Variants in UPF2 observed in about 807,000 individuals in gnomAD.
UPF2 encodes the protein UPF2 regulator of nonsense mediated mRNA decay.
UPF2 carries 17 observed loss-of-function variants against 141.4 expected under a neutral mutation model. That is an observed-to-expected ratio of 0.12 (90% CI 0.08 to 0.18). The LOEUF (loss-of-function observed/expected upper bound fraction) is 0.18, where lower values mean the gene tolerates loss of function less well. UPF2 is among the 10% of genes least tolerant of loss of function. The pLI is 1.00. For missense variants in UPF2, 1,152 were observed against 1,515.9 expected (o/e 0.76, Z 3.99); for synonymous variants, 540 against 498.0 (o/e 1.08, Z -1.12).
intron 15 of UPF2, among the ~76,000 whole-genome samples, chr10:11,949,626 C>T (rs1833048631): frequency 6.6e-6 from 1 of 152,138 alleles, no homozygotes; most frequent in Non-Finnish European, 1.5e-5. Context: ...TTAATAAATA[C>T]ACAGTAGGTG....
intron 19 of UPF2, among the ~76,000 whole-genome samples, chr10:11,932,075 G>A (rs1455960705): frequency 6.6e-6 from 1 of 151,930 alleles, no homozygotes; most frequent in Non-Finnish European, 1.5e-5. Flanking sequence ...CTTGAACCCA[G>A]GAAGCGGAGG....
At chr10:12,024,326 G>A (rs1397514549) in intron 3 of UPF2, among the ~76,000 whole-genome samples, 3 of 151,974 alleles carry the variant, frequency 2.0e-5, no homozygotes, top group Admixed American at 1.3e-4. Context: ...GTTTGGGATG[G>A]GGGGTGGGCA....
rs1832897282 is a variant in UPF2 at position 11,938,868 on chromosome 10, T to TTTTTTTTTTTTTTTTTTTTTTTTG, written c.3379-2157_3379-2156insCAAAAAAAAAAAAAAAAAAAAAAA. On this transcript the variant is annotated intron_variant, in intron 18 of 21. Coordinates refer to ENST00000357604, the MANE Select transcript of UPF2 (RefSeq NM_015542.4). ...TTTTTTTTTTGTTTTTTTTTTTTTT[T>TTTTTTTTTTTTTTTTTTTTTTTTG]TTTTTTTTTTTTTTGGAGACGGAGT... Among the ~76,000 whole-genome samples, 211 of 90,818 alleles carry TTTTTTTTTTTTTTTTTTTTTTTTG rather than the reference T, an allele frequency of 2.3e-3. 6 individuals are homozygous for TTTTTTTTTTTTTTTTTTTTTTTTG. The highest frequency in any genetic ancestry group is 6.3e-3 in the Middle Eastern group (1 of 158). 59.6% of individuals were successfully genotyped at this position (90,818 alleles called of 152,430 possible). A position where few individuals can be genotyped will look rare whatever the true frequency, so the allele number is the denominator to read the frequency against.
chr10:11,951,411 C>A (rs1833073046), intron 15 of UPF2, among the ~76,000 whole-genome samples: 1 of 152,178 alleles, frequency 6.6e-6, no homozygotes, highest in Non-Finnish European at 1.5e-5. Flanking sequence ...TAAGAACTAT[C>A]AGCATATAAA....
chr10:11,999,517 A>AG (rs1158864679), intron 7 of UPF2, among the ~76,000 whole-genome samples: 38 of 150,440 alleles, frequency 2.5e-4, no homozygotes, highest in Non-Finnish European at 4.7e-4. Context: ...CATCTCAAAA[A>AG]AAAAAAAAAA....
chr10:12,008,348 A>G lies in UPF2; in HGVS notation c.1307-3621T>C, dbSNP rs113313667. ...AGAGTGTAAAGAAACAGTCATTCTC[A>G]GGCCAGGCGCAGTGGCTCATACCTG... is the stretch of plus-strand genomic sequence containing the variant. On this transcript the variant is annotated intron_variant, in intron 4 of 21. Transcript: ENST00000357604. 1.7e-3 allele frequency among the ~76,000 whole-genome samples: 255 copies of G among 152,216 alleles called. 1 individual carries two copies. The highest frequency in any genetic ancestry group is 5.7e-3 in the African/African-American group (236 of 41,546).
At chr10:12,024,662 G>C (rs944618510) in intron 3 of UPF2, among the ~76,000 whole-genome samples, 2 of 151,898 alleles carry the variant, frequency 1.3e-5, no homozygotes, top group Non-Finnish European at 2.9e-5. Context: ...ACCGAGCACA[G>C]TGGCTCACAC....
chr10:12,035,297 G>A lies in UPF2; in HGVS notation c.127C>T (p.Leu43Phe). The stretch of plus-strand genomic sequence containing the variant: ...TTGCTGACCTCCTTCTTGGCAGTGA[G>A]CTTGATATCGTCTTTTGGCCTCTCC... The part of the protein sequence containing the change: ...SKERPKDDIK[L>F]TAKKEVSKAP... Residue 43 changes from leucine (L) to phenylalanine (F), a missense_variant, in exon 2 of 22, where the codon CTC becomes TTC. Around this residue, in one of 4 missense-constraint regions of UPF2, gnomAD observed 145 missense variants for 136.5 expected, o/e 1.06. Transcript: ENST00000357604. 6.2e-7 allele frequency: 1 copy of A among 1,613,998 alleles called. No homozygotes were observed. The highest frequency in any genetic ancestry group is 8.5e-7 in the Non-Finnish European group (1 of 1,180,012).
intron 8 of UPF2, among the ~76,000 whole-genome samples, chr10:11,987,545 G>A (rs1035664502): frequency 6.6e-6 from 1 of 151,810 alleles, no homozygotes; most frequent in Non-Finnish European, 1.5e-5. Flanking sequence ...ATCATTTGAG[G>A]TCAGGAGTTC....
At chr10:11,945,045 T>G (rs1190895963) in intron 16 of UPF2, among the ~76,000 whole-genome samples, 1 of 152,180 alleles carries the variant, frequency 6.6e-6, no homozygotes, top group Non-Finnish European at 1.5e-5. Flanking sequence ...GCAGTAACCA[T>G]GAACAATAAA....
At chr10:11,972,953 C>A (rs946123886) in intron 9 of UPF2, among the ~76,000 whole-genome samples, 2 of 152,184 alleles carry the variant, frequency 1.3e-5, no homozygotes, top group African/African-American at 4.8e-5. Context: ...CTTGAGGAAT[C>A]GCCACACTGT....
At chr10:12,024,946 A>AC (rs1238725139) in intron 3 of UPF2, among the ~76,000 whole-genome samples, 2 of 150,260 alleles carry the variant, frequency 1.3e-5, no homozygotes, top group African/African-American at 4.9e-5. Context: ...AAAAAAAAAA[A>AC]AAAAAAAAAA....
In UPF2 at chr10:11,959,954, C is replaced by G. The variant is rs144318231; in HGVS notation, c.2185-598G>C. Among the ~76,000 whole-genome samples the G allele has an allele frequency of 1.1e-4, 17 of 152,320 alleles. No individual in the cohort carries two copies. In the East Asian group the frequency reaches 3.3e-3, roughly 29 times the overall value. Reference sequence around the variant, plus strand: ...ACTTTACTACCAAGGTAACTTCTTTCATAACTTTGTGTCTAGGGTTGCTCA... The same window carrying G: ...ACTTTACTACCAAGGTAACTTCTTTGATAACTTTGTGTCTAGGGTTGCTCA... On this transcript the variant is annotated intron_variant, in intron 11 of 21. Coordinates refer to ENST00000357604, the MANE Select transcript of UPF2 (RefSeq NM_015542.4). This position sits in a 1 kb window ranked among gnomAD's most constrained non-coding sequence, Gnocchi z 5.9.
chr10:11,995,848 ACT>A (rs1833856601), intron 8 of UPF2, among the ~76,000 whole-genome samples: 1 of 151,960 alleles, frequency 6.6e-6, no homozygotes, highest in African/African-American at 2.4e-5. Context: ...CCCTGCACAT[ACT>A]GTTGCCTCTG....
In UPF2 at chr10:11,967,464, AAG is replaced by A; in HGVS notation, c.1954-12_1954-11del. On this transcript the variant is annotated splice_polypyrimidine_tract_variant and intron_variant, in intron 9 of 21. Coordinates refer to ENST00000357604, the MANE Select transcript of UPF2 (RefSeq NM_015542.4). ...GGTCCTTTTTCCGTACCTAAAAATT[AAG>A]AGAGAAAAGATAATGCTTAATCAAC... The A allele has an allele frequency of 1.3e-6, 2 of 1,481,868 alleles. No homozygotes were observed. The highest frequency in any genetic ancestry group is 1.8e-6 in the Non-Finnish European group (2 of 1,087,192). The allele number at this position is 1,481,868 out of a possible 1,614,324, so 91.8% of individuals were successfully genotyped here.
At chr10:12,038,035 C>T (rs977277610) in intron 1 of UPF2, among the ~76,000 whole-genome samples, 3 of 152,048 alleles carry the variant, frequency 2.0e-5, no homozygotes, top group Non-Finnish European at 4.4e-5. Context: ...TGTAGTTAAC[C>T]CCACTGGTAA....
At chr10:11,942,612 G>A in intron 18 of UPF2, 53 bp downstream of exon 18, 1 of 1,529,082 alleles carries the variant, frequency 6.5e-7, no homozygotes, top group South Asian at 1.1e-5. Context: ...GAATGTAATG[G>A]GCTGCAATGT....
chr10:11,966,496 C>T (rs191489650), intron 10 of UPF2, among the ~76,000 whole-genome samples: 713 of 152,180 alleles, frequency 4.7e-3, no homozygotes, highest in East Asian at 0.011. Context: ...GTGATCTTGG[C>T]GCACCACAAC....
intron 10 of UPF2, among the ~76,000 whole-genome samples, chr10:11,964,686 T>C (rs753909417): frequency 6.6e-6 from 1 of 152,232 alleles, no homozygotes; most frequent in Non-Finnish European, 1.5e-5. Context: ...ATGGCATGAT[T>C]TGCAAAGTAT....
Sources: gnomAD v4.1 joint callset for allele counts (sites outside exome capture counted in the v4.1 genomes callset) on GRCh38, gnomAD v4.1.1 for gene constraint, gnomAD v4.1.1 regional missense constraint, Gnocchi (gnomAD v3.1) non-coding constraint, MANE v1.5 for transcripts, NCBI Gene and HGNC (gene_info 2026-07-23, HGNC 2026-07-21) for gene names.